The following FNBP1 variants were observed in gnomAD, a reference collection of about 807,000 sequenced individuals.
The protein encoded by FNBP1 is formin-binding protein 1.
A neutral mutation model predicts 90.6 loss-of-function variants in FNBP1; 26 were observed. The ratio of observed to expected loss-of-function variants is 0.29; its 90% CI spans 0.21 to 0.40. The LOEUF (loss-of-function observed/expected upper bound fraction) is 0.40, where lower values mean the gene tolerates loss of function less well. Among genes scored for constraint, FNBP1 ranks in the 10% least tolerant of loss-of-function variants. The probability of loss-of-function intolerance (pLI) is 1.00; values close to 1 mark genes in which losing one functional copy is unlikely to be tolerated. For missense variants in FNBP1, 635 were observed against 768.0 expected (o/e 0.83, Z 2.05); for synonymous variants, 260 against 265.2 (o/e 0.98, Z 0.19).
intron 1 of FNBP1, among the ~76,000 whole-genome samples, chr9:130,033,242 A>C (rs1182324035): frequency 1.3e-5 from 2 of 152,140 alleles, no homozygotes; most frequent in African/African-American, 2.4e-5. Context: ...TACTTTATAG[A>C]TTGGGAAAGC....
intron 7 of FNBP1, 77 bp downstream of exon 7, chr9:129,929,490 A>G: frequency 7.5e-7 from 1 of 1,341,230 alleles, no homozygotes; most frequent in Non-Finnish European, 1.1e-6. Flanking sequence ...AAACCCAGCA[A>G]TCACGATTCA....
chr9:129,912,955 C>T (rs549709012), intron 11 of FNBP1, among the ~76,000 whole-genome samples: 1 of 152,114 alleles, frequency 6.6e-6, no homozygotes. Context: ...CGTGGTGGCT[C>T]ACACCTGTAA....
intron 1 of FNBP1, among the ~76,000 whole-genome samples, chr9:130,035,233 C>T (rs1448669284): frequency 1.3e-5 from 2 of 152,188 alleles, no homozygotes; most frequent in Admixed American, 6.5e-5. Flanking sequence ...GAGGGCATCT[C>T]TTCTTGTAGC....
chr9:130,046,603 A>C (rs1291663622), upstream of FNBP1, among the ~76,000 whole-genome samples: 1 of 139,222 alleles, frequency 7.2e-6, no homozygotes, highest in African/African-American at 2.6e-5. Context: ...AAAAAAAAAA[A>C]ACACCAAAAA....
chr9:129,964,262 G>A (rs562300552), intron 4 of FNBP1, among the ~76,000 whole-genome samples: 3 of 152,142 alleles, frequency 2.0e-5, no homozygotes, highest in East Asian at 1.9e-4. Context: ...ATTGTTCTCC[G>A]GACAAAGATA....
chr9:129,907,711 T>C (rs2131502109), intron 12 of FNBP1, among the ~76,000 whole-genome samples: 1 of 152,124 alleles, frequency 6.6e-6, no homozygotes, highest in East Asian at 1.9e-4. Context: ...ATCTCTGCTT[T>C]ATGGCAAATG....
rs1588305370 is a variant in FNBP1 at position 129,888,684 on chromosome 9, G to C, written c.*1855C>G. 4.3e-6 allele frequency: 1 copy of C among 233,252 alleles called. No individual in the cohort carries two copies. Among genetic ancestry groups the C allele is most frequent in the Non-Finnish European group, 8.5e-6 (1 of 118,034 alleles). The allele number at this position is 233,252 out of a possible 1,614,324, so 14.4% of individuals were successfully genotyped here. On this transcript the variant is annotated 3_prime_UTR_variant, in exon 17 of 17. Transcript: ENST00000446176. ...ACCCAAAGCCACTTCCTCTTCACCT[G>C]CCTGGGCCTCAGCGTCTCTGCGCTT... is the stretch of plus-strand genomic sequence containing the variant.
At chr9:130,001,200 C>T (rs959106554) in intron 1 of FNBP1, among the ~76,000 whole-genome samples, 3 of 150,944 alleles carry the variant, frequency 2.0e-5, no homozygotes, top group Admixed American at 6.6e-5. Context: ...GGTGTGGTGG[C>T]GGTCGCCTGT....
intron 6 of FNBP1, among the ~76,000 whole-genome samples, chr9:129,944,018 C>T (rs1207063904): frequency 6.8e-6 from 1 of 147,184 alleles, no homozygotes; most frequent in Non-Finnish European, 1.5e-5. Flanking sequence ...AACCTGCTAT[C>T]GTTCTGATGA....
chr9:130,045,712 G>C (rs1000743904), upstream of FNBP1, among the ~76,000 whole-genome samples: 1 of 152,154 alleles, frequency 6.6e-6, no homozygotes, highest in African/African-American at 2.4e-5. Context: ...GAAAATGCTT[G>C]AAAGTGTCAG....
chr9:129,952,496 A>C (rs1157771043), intron 6 of FNBP1, among the ~76,000 whole-genome samples: 1 of 152,088 alleles, frequency 6.6e-6, no homozygotes, highest in African/African-American at 2.4e-5. Context: ...AGACTCAAAA[A>C]ACAGAAAAAA....
chr9:129,893,633 A>AAAAAAAAAAAAAAAAAAAAAAC (rs2035343008), intron 16 of FNBP1, among the ~76,000 whole-genome samples: 1 of 138,162 alleles, frequency 7.2e-6, no homozygotes, highest in Non-Finnish European at 1.6e-5. Flanking sequence ...AAAAAAAAAA[A>AAAAAAAAAAAAAAAAAAAAAAC]AAAAGCCAGG....
At chr9:129,985,961 CA>C (rs898462142) in intron 2 of FNBP1, among the ~76,000 whole-genome samples, 3,266 of 45,116 alleles carry the variant, frequency 0.072, 40 homozygotes, top group African/African-American at 0.11. Flanking sequence ...AGCTCCATCT[CA>C]AAAAAAAAAA....
intron 1 of FNBP1, among the ~76,000 whole-genome samples, chr9:130,017,076 T>A (rs1299382561): frequency 6.6e-6 from 1 of 151,454 alleles, no homozygotes; most frequent in Non-Finnish European, 1.5e-5. Flanking sequence ...CAAGACCCCA[T>A]CTCTTTTAAA....
At chr9:129,913,139 C>T (rs1044365745) in intron 11 of FNBP1, among the ~76,000 whole-genome samples, 15 of 151,990 alleles carry the variant, frequency 9.9e-5, no homozygotes, top group Admixed American at 2.0e-4. Context: ...ACCCGGGAGG[C>T]GGAGGATGCA....
chr9:130,041,719 CGT>C lies in FNBP1; in HGVS notation c.24+1231_24+1232del, dbSNP rs2059834548. ...CCCTCAGGATTTTGGTAATAACAAC[CGT>C]AGCTGCTTCTGTACCTAACAAATGG... On this transcript the variant is annotated intron_variant, in intron 1 of 16. Transcript: ENST00000446176. This position sits in a 1 kb window ranked among gnomAD's most constrained non-coding sequence, Gnocchi z 4.3. 6.6e-6 allele frequency among the ~76,000 whole-genome samples: 1 copy of C among 152,084 alleles called. No individual in the cohort carries two copies. Among genetic ancestry groups the C allele is most frequent in the Non-Finnish European group, 1.5e-5 (1 of 68,020 alleles).
intron 2 of FNBP1, among the ~76,000 whole-genome samples, chr9:129,994,256 G>A (rs1420211394): frequency 6.6e-6 from 1 of 152,174 alleles, no homozygotes; most frequent in East Asian, 1.9e-4. Context: ...CCCACCACAT[G>A]CTACCACATG....
intron 2 of FNBP1, among the ~76,000 whole-genome samples, chr9:129,982,823 C>A (rs1039505211): frequency 1.1e-4 from 16 of 152,106 alleles, no homozygotes; most frequent in African/African-American, 3.9e-4. Context: ...CCACCATGCC[C>A]AGCTCATTTT....
chr9:129,909,687 G>A (rs766246621), intron 11 of FNBP1, among the ~76,000 whole-genome samples: 2 of 151,784 alleles, frequency 1.3e-5, no homozygotes, highest in African/African-American at 2.4e-5. Flanking sequence ...GCAGTGGTGC[G>A]ATCTCAGCTC....
Sources: allele counts gnomAD v4.1 joint callset (sites outside exome capture counted in the v4.1 genomes callset), GRCh38; gene constraint gnomAD v4.1.1; non-coding constraint Gnocchi (gnomAD v3.1); transcripts MANE v1.5; gene names NCBI Gene and HGNC (gene_info 2026-07-23, HGNC 2026-07-21).